The following MEAF6 variants were observed in gnomAD, a reference collection of about 807,000 sequenced individuals.
The protein encoded by MEAF6 is chromatin modification-related protein MEAF6.
MEAF6 carries 15 observed loss-of-function variants against 28.9 expected under a neutral mutation model. The observed-to-expected ratio is 0.52, with a 90% CI of 0.35 to 0.80. The LOEUF (loss-of-function observed/expected upper bound fraction) is 0.80. MEAF6 is among the 30% of genes least tolerant of loss of function. The pLI, the probability that MEAF6 is intolerant of heterozygous loss-of-function variation, is 0.01. For missense variants in MEAF6, 178 were observed against 237.5 expected (o/e 0.75, Z 1.65); for synonymous variants, 97 against 88.7 (o/e 1.09, Z -0.53).
At position 37,491,387 on chromosome 1, in the gene MEAF6, C is replaced by T. The variant is rs1357964426; in HGVS notation, c.*2712G>A. On this transcript the variant is annotated 3_prime_UTR_variant, in exon 7 of 7. Transcript: ENST00000296214. ...GGGCATGGTGGTGCATGCCTGTAGT[C>T]CCAGCTACTGGGGAGGCTGAGGCAG... Among the ~76,000 whole-genome samples the T allele has an allele frequency of 1.3e-5, 2 of 152,228 alleles. No individual in the cohort carries two copies. The highest frequency in any genetic ancestry group is 3.9e-4 in the East Asian group (2 of 5,176).
chr1:37,503,628 T>C (rs1642384712), intron 4 of MEAF6, among the ~76,000 whole-genome samples: 1 of 137,288 alleles, frequency 7.3e-6, no homozygotes, highest in African/African-American at 2.8e-5. Flanking sequence ...TGCAATGCAC[T>C]CTAGCCTGGG....
chr1:37,491,985 G>C lies in MEAF6; in HGVS notation c.*2114C>G, dbSNP rs780369801. Among the ~76,000 whole-genome samples, 1 of 148,548 alleles carries C rather than the reference G, an allele frequency of 6.7e-6. No homozygotes were observed. Among genetic ancestry groups the C allele is most frequent in the Admixed American group, 6.7e-5 (1 of 14,860 alleles). On this transcript the variant is annotated 3_prime_UTR_variant, in exon 7 of 7. Transcript: ENST00000296214. ...TGCTGGAGTGCAGTGGCGCAACAGA[G>C]CAGTACTATTCCATCTCTAGCAATC...
chr1:37,509,535 T>TG lies in MEAF6; in HGVS notation c.213dup (p.Asn72GlnfsTer2). Reference sequence around the variant, plus strand: ...CGGTTCCTTCGATCATTTTTGCTATTGGAGTTTCTAAAACACAGAAGAAAC... The same window carrying TG: ...CGGTTCCTTCGATCATTTTTGCTATTGGGAGTTTCTAAAACACAGAAGAAAC... On this transcript the variant is annotated frameshift_variant, in exon 3 of 7. Transcript: ENST00000296214. LOFTEE classifies it high-confidence loss of function. The TG allele has an allele frequency of 6.2e-7, 1 of 1,613,718 alleles. No homozygotes were observed. The highest frequency in any genetic ancestry group is 8.5e-7 in the Non-Finnish European group (1 of 1,179,898).
In MEAF6 at chr1:37,495,697, C is replaced by CA. The variant is rs1373520573; in HGVS notation, c.567+187dup. Among the ~76,000 whole-genome samples the CA allele has an allele frequency of 6.5e-5, 6 of 92,674 alleles. 1 individual carries two copies. Among genetic ancestry groups the CA allele is most frequent in the Non-Finnish European group, 1.3e-4 (6 of 45,748 alleles). 60.8% of individuals were successfully genotyped at this position (92,674 alleles called of 152,430 possible). A position where few individuals can be genotyped will look rare whatever the true frequency, so the allele number is the denominator to read the frequency against. On this transcript the variant is annotated intron_variant, in intron 6 of 6. Transcript: ENST00000296214. Reference sequence around the variant, plus strand: ...GAAACTGTCTCTCAAAAAAAAAAAACAAAAAACAAAAAAAAAAAAAAACAA... The same window carrying CA: ...GAAACTGTCTCTCAAAAAAAAAAAACAAAAAAACAAAAAAAAAAAAAAACAA...
intron 4 of MEAF6, among the ~76,000 whole-genome samples, chr1:37,503,395 A>G (rs142788885): frequency 0.015 from 2,242 of 152,326 alleles, 29 homozygotes; most frequent in South Asian, 0.06. Context: ...TCATGCCTGC[A>G]ATCCCAGTGC....
chr1:37,509,124 G>A (rs1183233461), intron 4 of MEAF6, among the ~76,000 whole-genome samples, 154 bp downstream of exon 4: 2 of 151,978 alleles, frequency 1.3e-5, no homozygotes, highest in Non-Finnish European at 2.9e-5. Flanking sequence ...ACATGATTAA[G>A]GATACCCTAA....
chr1:37,514,607 G>A, intron 1 of MEAF6, 50 bp downstream of exon 1: 1 of 1,393,776 alleles, frequency 7.2e-7, no homozygotes, highest in South Asian at 1.4e-5. Context: ...GCCTGGAGGC[G>A]GGGCGGGCGC....
chr1:37,501,691 T>C (rs896312831), intron 5 of MEAF6, 113 bp downstream of exon 5: 1 of 1,106,914 alleles, frequency 9.0e-7, no homozygotes, highest in East Asian at 2.5e-5. Flanking sequence ...AATGACTTTC[T>C]TGCCATCAGC....
intron 2 of MEAF6, among the ~76,000 whole-genome samples, chr1:37,510,857 G>A (rs530281110): frequency 1.3e-5 from 2 of 152,200 alleles, no homozygotes; most frequent in South Asian, 4.2e-4. Context: ...CAAGTAGCTG[G>A]GATTACAGGC....
At chr1:37,513,572 C>CTTT in intron 1 of MEAF6, 34 bp from the exon 2 acceptor site, 1 of 1,488,130 alleles carries the variant, frequency 6.7e-7, no homozygotes, top group East Asian at 2.3e-5. Context: ...TGAATGATAC[C>CTTT]TTTTAAATGC....
At chr1:37,509,232 G>A in intron 4 of MEAF6, 46 bp downstream of exon 4, 1 of 1,528,710 alleles carries the variant, frequency 6.5e-7, no homozygotes, top group Non-Finnish European at 9.1e-7. Flanking sequence ...AAGGGTGATG[G>A]TAGCTTAAAA....
intron 4 of MEAF6, among the ~76,000 whole-genome samples, chr1:37,506,592 A>G (rs1642491235): frequency 6.6e-6 from 1 of 152,056 alleles, no homozygotes; most frequent in Non-Finnish European, 1.5e-5. Context: ...TATGTTCCCT[A>G]GTCTGGTCTT....
Position 37,491,356 on chromosome 1 carries a change from T to G in MEAF6, c.*2743A>C, listed in dbSNP as rs1641922623. Among the ~76,000 whole-genome samples, 1 of 151,660 alleles carries G rather than the reference T, an allele frequency of 6.6e-6. No homozygotes were observed. The highest frequency in any genetic ancestry group is 2.4e-5 in the African/African-American group (1 of 41,248). On this transcript the variant is annotated 3_prime_UTR_variant, in exon 7 of 7. Coordinates refer to ENST00000296214, the MANE Select transcript of MEAF6 (RefSeq NM_001270875.3). ...CCCATCTCCACTAAAAATACAAAAC[T>G]TAGATGGGCATGGTGGTGCATGCCT...
At chr1:37,512,825 G>C (rs992180207) in intron 2 of MEAF6, among the ~76,000 whole-genome samples, 4 of 152,186 alleles carry the variant, frequency 2.6e-5, no homozygotes, top group Admixed American at 6.5e-5. Context: ...CCAGGAGTCT[G>C]AGGCTGCAGT....
intron 5 of MEAF6, among the ~76,000 whole-genome samples, chr1:37,497,517 T>C (rs771431672): frequency 1.3e-5 from 2 of 152,288 alleles, no homozygotes; most frequent in African/African-American, 2.4e-5. Flanking sequence ...AAGTAGGTGA[T>C]GGCAATTAAC....
intron 1 of MEAF6, chr1:37,514,451 C>G (rs1243913740): frequency 5.8e-6 from 2 of 345,732 alleles, no homozygotes; most frequent in East Asian, 4.6e-5. Flanking sequence ...GCGCTCCCGG[C>G]TCTCTCCCGG....
chr1:37,502,781 T>A (rs1261097721), intron 4 of MEAF6, among the ~76,000 whole-genome samples: 1 of 151,866 alleles, frequency 6.6e-6, no homozygotes, highest in Non-Finnish European at 1.5e-5. Flanking sequence ...GCATAAGCCC[T>A]GCTAATTTTT....
intron 2 of MEAF6, 45 bp from the exon 3 acceptor site, chr1:37,509,587 T>G: frequency 6.5e-7 from 1 of 1,538,800 alleles, no homozygotes. Context: ...GCTATGTCTA[T>G]GGCTCAAGCT....
rs1053443622 is a variant in MEAF6, at chr1:37,508,331, A to G, written c.340+947T>C. ...GGTCTCACTTTGTCACCCAGGCTGGAGCAGTGACACGATCATGGCTCATTG... is the reference window on the plus strand; with the variant it reads ...GGTCTCACTTTGTCACCCAGGCTGGGGCAGTGACACGATCATGGCTCATTG... On this transcript the variant is annotated intron_variant, in intron 4 of 6. Transcript: ENST00000296214. 5.3e-4 allele frequency among the ~76,000 whole-genome samples: 62 copies of G among 116,106 alleles called. No homozygotes were observed. The Admixed American group carries it at 8.2e-3, about 15-fold the overall frequency. The allele number at this position is 116,106 out of a possible 152,430, so 76.2% of individuals were successfully genotyped here.
Sources: allele counts gnomAD v4.1 joint callset (sites outside exome capture counted in the v4.1 genomes callset), GRCh38; gene constraint gnomAD v4.1.1; transcripts MANE v1.5; gene names NCBI Gene and HGNC (gene_info 2026-07-23, HGNC 2026-07-21).